The following CDK12 variants were observed in gnomAD, a reference collection of about 807,000 sequenced individuals.
CDK12 encodes cyclin-dependent kinase 12.
A neutral mutation model predicts 133.8 loss-of-function variants in CDK12; 17 were observed. The observed-to-expected ratio is 0.13, with a 90% CI of 0.09 to 0.19. The LOEUF (loss-of-function observed/expected upper bound fraction) is 0.19, where lower values mean the gene tolerates loss of function less well. CDK12 is among the 10% of genes least tolerant of loss of function. The pLI, the probability that CDK12 is intolerant of heterozygous loss-of-function variation, is 1.00. For synonymous variants in CDK12, 694 were observed against 683.6 expected (o/e 1.02, Z -0.24); for missense variants, 1,508 against 1,818.7 (o/e 0.83, Z 3.11).
chr17:39,470,343 G>A (rs541463106), intron 1 of CDK12, among the ~76,000 whole-genome samples: 1 of 151,738 alleles, frequency 6.6e-6, no homozygotes, highest in Non-Finnish European at 1.5e-5. Flanking sequence ...GGATGGTCTC[G>A]ATCTGCTGAC....
intron 3 of CDK12, chr17:39,557,122 G>A (rs2056190187): frequency 6.6e-6 from 1 of 152,208 alleles, no homozygotes; most frequent in African/African-American, 2.4e-5. Context: ...CTTTATGTCT[G>A]AGAGAGAGGT....
intron 7 of CDK12, among the ~76,000 whole-genome samples, chr17:39,510,159 A>C (rs1598112621): frequency 8.4e-6 from 1 of 119,640 alleles, no homozygotes; most frequent in Admixed American, 1.1e-4. Flanking sequence ...TCAATCTGTC[A>C]CCTGGGCTGG....
At chr17:39,486,897 A>G (rs1309578139) in intron 2 of CDK12, among the ~76,000 whole-genome samples, 1 of 152,096 alleles carries the variant, frequency 6.6e-6, no homozygotes, top group African/African-American at 2.4e-5. Flanking sequence ...AGTCCCAGCT[A>G]CTTGGGAGGC....
chr17:39,476,711 C>CTT lies in CDK12; in HGVS notation c.1931+4976_1931+4977dup, dbSNP rs879840168. 1.4e-3 allele frequency among the ~76,000 whole-genome samples: 120 copies of CTT among 84,518 alleles called. 18 individuals carry two copies. The highest frequency in any genetic ancestry group is 6.0e-3 in the African/African-American group (106 of 17,554). 55.4% of individuals were successfully genotyped at this position (84,518 alleles called of 152,430 possible). ...TACAGGCATGAGCCACCATGCCTGCCTTTTTTTTTTTTTTTTTTTTTTTTT... is the reference window on the plus strand; with the variant it reads ...TACAGGCATGAGCCACCATGCCTGCCTTTTTTTTTTTTTTTTTTTTTTTTTTT... On this transcript the variant is annotated intron_variant, in intron 2 of 13. Coordinates refer to ENST00000447079, the MANE Select transcript of CDK12 (RefSeq NM_016507.4).
rs1277427525 is a variant in CDK12 at position 39,511,513 on chromosome 17, G to A, written c.2667-16G>A. On this transcript the variant is annotated splice_polypyrimidine_tract_variant and intron_variant, in intron 7 of 13. Coordinates refer to ENST00000447079, the MANE Select transcript of CDK12 (RefSeq NM_016507.4). ...GCCACTGTAAGTTTATGTCATGGTT[G>A]TTTTTTATATTTCAGTCGCCCTTAC... 42 of 1,530,276 alleles carry A rather than the reference G, an allele frequency of 2.7e-5. No homozygotes were observed. The highest frequency in any genetic ancestry group is 9.0e-7 in the Non-Finnish European group (1 of 1,110,306). The allele number at this position is 1,530,276 out of a possible 1,614,324, so 94.8% of individuals were successfully genotyped here.
chr17:39,519,526 C>A (rs2054036156), intron 10 of CDK12, among the ~76,000 whole-genome samples: 1 of 151,642 alleles, frequency 6.6e-6, no homozygotes, highest in African/African-American at 2.4e-5. Context: ...AACGATCCAC[C>A]CGCTTCAGCC....
rs1335730772 is a variant in CDK12 at position 39,530,739 on chromosome 17, C to A, written c.3896C>A (p.Ala1299Asp). 6.2e-7 allele frequency: 1 copy of A among 1,614,070 alleles called. No individual in the cohort carries two copies. Among genetic ancestry groups the A allele is most frequent in the African/African-American group, 1.3e-5 (1 of 74,996 alleles). The change falls in exon 14 of 14, where the codon GCC becomes GAC. Residue 1299 changes from alanine to aspartate, a missense_variant. Around this residue, in one of 9 missense-constraint regions of CDK12, gnomAD observed 399 missense variants for 469.6 expected, o/e 0.85. Coordinates refer to ENST00000447079, the MANE Select transcript of CDK12 (RefSeq NM_016507.4). ...APQELNPAVT[A>D]ALLQLLSQPE... Reference sequence around the variant, plus strand: ...CAGGAGTTGAACCCAGCCGTGACAGCCGCCTTGCTGCAACTTTTATCCCAG... The same window carrying A: ...CAGGAGTTGAACCCAGCCGTGACAGACGCCTTGCTGCAACTTTTATCCCAG...
At chr17:39,469,874 C>T (rs888371168) in intron 1 of CDK12, among the ~76,000 whole-genome samples, 4 of 151,864 alleles carry the variant, frequency 2.6e-5, no homozygotes, top group Admixed American at 1.3e-4. Context: ...CAATGTCAGG[C>T]GATCCACCCA....
intron 11 of CDK12, among the ~76,000 whole-genome samples, chr17:39,521,543 G>T (rs574969541): frequency 5.3e-5 from 8 of 151,896 alleles, no homozygotes; most frequent in Non-Finnish European, 1.0e-4. Flanking sequence ...GATTACAGAT[G>T]TGAGCTACTG....
chr17:39,560,944 G>C (rs1012916800), intron 3 of CDK12, among the ~76,000 whole-genome samples: 11 of 152,166 alleles, frequency 7.2e-5, no homozygotes, highest in Admixed American at 1.3e-4. Context: ...CCACCAGGGG[G>C]TGGAGGCTGC....
At chr17:39,510,549 G>A (rs1342307440) in intron 7 of CDK12, among the ~76,000 whole-genome samples, 3 of 151,924 alleles carry the variant, frequency 2.0e-5, no homozygotes, top group Non-Finnish European at 2.9e-5. Flanking sequence ...TTCTTGAATC[G>A]TCCCTTGGCT....
chr17:39,484,982 A>G (rs1218967425), intron 2 of CDK12, among the ~76,000 whole-genome samples: 2 of 152,076 alleles, frequency 1.3e-5, no homozygotes, highest in Non-Finnish European at 2.9e-5. Flanking sequence ...CATCCTGGCT[A>G]ACATGGTGAA....
chr17:39,474,881 T>C (rs1428569054), intron 2 of CDK12, among the ~76,000 whole-genome samples: 1 of 150,806 alleles, frequency 6.6e-6, no homozygotes, highest in African/African-American at 2.4e-5. Context: ...TTGCCCAGGC[T>C]GGAGTGCAAT....
rs1213259185 is a variant in CDK12, at chr17:39,461,860, C to A, written c.-212C>A. The A allele has an allele frequency of 3.6e-5, 21 of 585,944 alleles. No homozygotes were observed. Among genetic ancestry groups the A allele is most frequent in the Non-Finnish European group, 5.8e-5 (19 of 328,092 alleles). The allele number at this position is 585,944 out of a possible 1,614,324, so 36.3% of individuals were successfully genotyped here. A position where few individuals can be genotyped will look rare whatever the true frequency, so the allele number is the denominator to read the frequency against. On this transcript the variant is annotated 5_prime_UTR_variant, in exon 1 of 14. Transcript: ENST00000447079. ...CGCAACTCCACTGCCGAGGAACTCT[C>A]ATTTCTTCCCTCGCTCCTTCACCCC...
chr17:39,480,996 G>C (rs561595457), intron 2 of CDK12, among the ~76,000 whole-genome samples: 1 of 152,092 alleles, frequency 6.6e-6, no homozygotes, highest in East Asian at 1.9e-4. Flanking sequence ...GATCACGCCT[G>C]TAATCCCAGC....
chr17:39,547,022 G>A (rs1425505304), upstream of CDK12, among the ~76,000 whole-genome samples: 1 of 152,072 alleles, frequency 6.6e-6, no homozygotes, highest in Non-Finnish European at 1.5e-5. Flanking sequence ...ATTTGGTACT[G>A]GAGAGGGAGA....
chr17:39,520,178 G>A, intron 11 of CDK12, 91 bp downstream of exon 11: 3 of 1,372,374 alleles, frequency 2.2e-6, no homozygotes, highest in Non-Finnish European at 3.0e-6. Context: ...TGCCCAGTAA[G>A]ACCCAAATGA....
intron 2 of CDK12, among the ~76,000 whole-genome samples, chr17:39,472,993 G>A (rs1313438913): frequency 1.3e-5 from 2 of 151,788 alleles, no homozygotes; most frequent in Non-Finnish European, 1.5e-5. Context: ...GGAGAATGGC[G>A]TGAACCTGGG....
rs2049820507 is a variant in CDK12 at position 39,471,824 on chromosome 17, T to C, written c.1931+61T>C. ...ATCTAAACATAAAGCATTTTCTGTT[T>C]TAATCTTTGTCAACACTACCCTCAT... On this transcript the variant is annotated intron_variant, in intron 2 of 13. Transcript: ENST00000447079. 7.7e-6 allele frequency: 11 copies of C among 1,420,564 alleles called. No individual in the cohort carries two copies. The South Asian group carries it at 1.5e-4, about 19-fold the overall frequency. The allele number at this position is 1,420,564 out of a possible 1,614,324, so 88.0% of individuals were successfully genotyped here.
Sources: allele counts gnomAD v4.1 joint callset (sites outside exome capture counted in the v4.1 genomes callset), GRCh38; gene constraint gnomAD v4.1.1; regional missense constraint gnomAD v4.1.1; transcripts MANE v1.5; gene names NCBI Gene and HGNC (gene_info 2026-07-23, HGNC 2026-07-21).